The following DST variants were observed in gnomAD, a reference collection of about 807,000 sequenced individuals.
DST encodes dystonin, also known as bullous pemphigoid antigen.
In DST, 253 loss-of-function variants were observed where a neutral mutation model predicts 875.2. The observed-to-expected ratio is 0.29, with a 90% confidence interval of 0.26 to 0.32. DST has a LOEUF of 0.32. Ranked by LOEUF, DST falls within the 10% of genes least tolerant of loss-of-function variation. The probability of loss-of-function intolerance (pLI) is 1.00; values close to 1 mark genes in which losing one functional copy is unlikely to be tolerated. For missense variants in DST, 8,287 were observed against 9,111.6 expected (o/e 0.91, Z 3.68); for synonymous variants, 3,124 against 3,197.1 (o/e 0.98, Z 0.77).
chr6:56,557,266 C>G lies in DST; in HGVS notation c.14640+53G>C. ...ATATATTTATAATGAAAACATTGGT[C>G]TCAGTAAGTCAAATTGCTATGCACG... On this transcript the variant is annotated intron_variant, in intron 59 of 103. Coordinates refer to ENST00000680361, the MANE Select transcript of DST (RefSeq NM_001374736.1). 5 of 1,519,460 alleles carry G rather than the reference C, an allele frequency of 3.3e-6. No homozygotes were observed. The African/African-American group carries it at 4.2e-5, about 13-fold the overall frequency. The allele number at this position is 1,519,460 out of a possible 1,614,324, so 94.1% of individuals were successfully genotyped here. A position where few individuals can be genotyped will look rare whatever the true frequency, so the allele number is the denominator to read the frequency against.
In DST at chr6:56,554,073, CTTTTTTTTTTTTTTTT is replaced by C. The variant is rs555704557; in HGVS notation, c.15137-434_15137-419del. 0.012 allele frequency among the ~76,000 whole-genome samples: 961 copies of C among 80,834 alleles called. 58 individuals carry two copies. The East Asian group carries it at 0.2, about 17-fold the overall frequency. The allele number at this position is 80,834 out of a possible 152,430, so 53.0% of individuals were successfully genotyped here. ...AAATATGACTTTTTCGCGTCTATGA[CTTTTTTTTTTTTTTTT>C]TTTTTTTTTTTTTGAGGCAGAGTCT... On this transcript the variant is annotated intron_variant, in intron 60 of 103. Coordinates refer to ENST00000680361, the MANE Select transcript of DST (RefSeq NM_001374736.1).
chr6:56,841,985 G>T (rs1192065561), intron 4 of DST, among the ~76,000 whole-genome samples: 1 of 152,162 alleles, frequency 6.6e-6, no homozygotes, highest in Non-Finnish European at 1.5e-5. Context: ...TACAAGGATT[G>T]CAAGAATTTC....
At chr6:56,616,477 A>T (rs2152730187) in intron 36 of DST, 1 of 1,614,100 alleles carries the variant, frequency 6.2e-7, no homozygotes, top group Non-Finnish European at 8.5e-7. Context: ...TGACATTGAG[A>T]TTGGAAATGT....
intron 5 of DST, among the ~76,000 whole-genome samples, chr6:56,720,469 G>T (rs562117679): frequency 2.0e-5 from 3 of 151,944 alleles, no homozygotes; most frequent in Admixed American, 2.0e-4. Context: ...GTGAACAAAG[G>T]TCTCTGGTTT....
chr6:56,777,123 C>T (rs1472164328), intron 4 of DST, among the ~76,000 whole-genome samples: 2 of 152,024 alleles, frequency 1.3e-5, no homozygotes, highest in Non-Finnish European at 2.9e-5. Flanking sequence ...TTATTCTTTA[C>T]TTGGCAGTGG....
intron 85 of DST, among the ~76,000 whole-genome samples, chr6:56,490,657 AGT>A (rs1404034107): frequency 7.2e-5 from 11 of 152,302 alleles, no homozygotes; most frequent in African/African-American, 2.6e-4. Flanking sequence ...AAGTCAGAGA[AGT>A]ATGATCAATA....
intron 2 of DST, among the ~76,000 whole-genome samples, chr6:56,912,785 A>G (rs1799323160): frequency 1.3e-5 from 2 of 152,198 alleles, no homozygotes; most frequent in Non-Finnish European, 1.5e-5. Flanking sequence ...GATTGTGTGC[A>G]TGGTTTCAGT....
At chr6:56,506,420 C>A in intron 77 of DST, 23 bp downstream of exon 77, 12 of 1,582,700 alleles carry the variant, frequency 7.6e-6, no homozygotes, top group Non-Finnish European at 1.0e-5. Flanking sequence ...CTAAGACCAG[C>A]ACATACACTG....
chr6:56,738,445 C>T (rs892770980), intron 4 of DST, among the ~76,000 whole-genome samples: 1 of 152,120 alleles, frequency 6.6e-6, no homozygotes, highest in African/African-American at 2.4e-5. Context: ...CTCAGCCTCC[C>T]GAGTAGCTGG....
At chr6:56,589,762 C>T (rs2098236095) in intron 49 of DST, among the ~76,000 whole-genome samples, 1 of 152,172 alleles carries the variant, frequency 6.6e-6, no homozygotes, top group Admixed American at 6.5e-5. Flanking sequence ...TTATTATGGC[C>T]TAGTAGTATC....
chr6:56,509,960 T>C (rs533983791), intron 73 of DST, 87 bp from the exon 74 acceptor site: 1 of 1,009,998 alleles, frequency 9.9e-7, no homozygotes, highest in South Asian at 1.8e-5. Flanking sequence ...TTTTTACAAT[T>C]TAATGTCAGA....
chr6:56,909,335 C>T (rs962088020), intron 2 of DST, among the ~76,000 whole-genome samples: 2 of 152,138 alleles, frequency 1.3e-5, no homozygotes, highest in African/African-American at 4.8e-5. Context: ...GAGCTCTAGC[C>T]AATGAAATGT....
chr6:56,477,873 G>A (rs1356350111), intron 90 of DST, among the ~76,000 whole-genome samples: 2 of 152,128 alleles, frequency 1.3e-5, no homozygotes, highest in Non-Finnish European at 2.9e-5. Flanking sequence ...AATGTAAATT[G>A]TTGTAAATAG....
At chr6:56,816,680 T>TGGCA (rs1186671138) in intron 4 of DST, among the ~76,000 whole-genome samples, 3 of 152,100 alleles carry the variant, frequency 2.0e-5, no homozygotes, top group African/African-American at 7.2e-5. Context: ...AGGACTGAGG[T>TGGCA]GGCAGTAGTT....
intron 95 of DST, 21 bp downstream of exon 95, chr6:56,471,085 G>T (rs752699989): frequency 1.2e-6 from 2 of 1,604,294 alleles, no homozygotes; most frequent in Admixed American, 1.7e-5. Flanking sequence ...ATCAGTCATA[G>T]TCATCTGTCT....
chr6:56,569,961 A>G lies in DST; in HGVS notation c.13773T>C (p.Leu4591=). 6.2e-7 allele frequency: 1 copy of G among 1,608,620 alleles called. No homozygotes were observed. Among genetic ancestry groups the G allele is most frequent in the Non-Finnish European group, 8.5e-7 (1 of 1,178,334 alleles). Residue 4591 remains leucine, a synonymous_variant, in exon 54 of 104, where the codon CTT becomes CTC. Coordinates refer to ENST00000680361, the MANE Select transcript of DST (RefSeq NM_001374736.1). ...CQEQLDAFQV[L]VKSLKSWIKE... ...TTATCCATGACTTCAATGATTTAAC[A>G]AGAACTTGGAAAGCATCCAACTGTT... is the stretch of plus-strand genomic sequence containing the variant.
At chr6:56,586,890 C>A (rs937551021) in intron 49 of DST, among the ~76,000 whole-genome samples, 1 of 152,234 alleles carries the variant, frequency 6.6e-6, no homozygotes. Flanking sequence ...GAAAGGACAT[C>A]CACACCAAAA....
intron 2 of DST, among the ~76,000 whole-genome samples, chr6:56,940,191 T>TACACACAC (rs59001581): frequency 2.8e-5 from 4 of 142,304 alleles, no homozygotes; most frequent in African/African-American, 7.8e-5. Flanking sequence ...ATTACCCCCA[T>TACACACAC]ACACACACAC....
At chr6:56,576,371 T>C (rs1418670086) in intron 50 of DST, among the ~76,000 whole-genome samples, 1 of 152,186 alleles carries the variant, frequency 6.6e-6, no homozygotes, top group African/African-American at 2.4e-5. Flanking sequence ...GTCATGGGAA[T>C]CCTAATTTAT....
Sources: allele counts gnomAD v4.1 joint callset (sites outside exome capture counted in the v4.1 genomes callset), GRCh38; gene constraint gnomAD v4.1.1; transcripts MANE v1.5; gene names NCBI Gene and HGNC (gene_info 2026-07-23, HGNC 2026-07-21).